The following DERA variants were observed in gnomAD, a reference collection of about 807,000 sequenced individuals.
DERA encodes deoxyribose-phosphate aldolase.
DERA carries 15 observed loss-of-function variants against 41.1 expected under a neutral mutation model. The ratio of observed to expected loss-of-function variants is 0.37; its 90% CI spans 0.24 to 0.56. The LOEUF (loss-of-function observed/expected upper bound fraction) is 0.56. Among genes scored for constraint, DERA ranks in the 20% least tolerant of loss-of-function variants. The probability of loss-of-function intolerance (pLI) is 0.81; values close to 1 mark genes in which losing one functional copy is unlikely to be tolerated. For missense variants in DERA, 396 were observed against 403.4 expected, an observed-to-expected ratio of 0.98 and a Z score of 0.16; for synonymous variants, 139 against 137.4, an observed-to-expected ratio of 1.01 and a Z score of -0.08.
chr12:15,957,018 G>GA lies in DERA; in HGVS notation c.119dup (p.Glu41GlyfsTer22). Reference sequence around the variant, plus strand: ...AACAAATCCAGGCTCGCAGAACCGTGAAAAAGGAGTGGCAGGTAAGGGTTC... The same window carrying GA: ...AACAAATCCAGGCTCGCAGAACCGTGAAAAAAGGAGTGGCAGGTAAGGGTTC... On this transcript the variant is annotated frameshift_variant, in exon 2 of 9. Coordinates refer to ENST00000428559, the MANE Select transcript of DERA (RefSeq NM_015954.4). LOFTEE classifies it high-confidence loss of function. This position sits in a 1 kb window ranked among gnomAD's most constrained non-coding sequence, Gnocchi z 4.8. 2 of 1,613,796 alleles carry GA rather than the reference G, an allele frequency of 1.2e-6. No homozygotes were observed. Among genetic ancestry groups the GA allele is most frequent in the Non-Finnish European group, 8.5e-7 (1 of 1,179,758 alleles).
chr12:16,019,901 A>G lies in DERA; in HGVS notation c.638-12641A>G, dbSNP rs1438767985. 1.3e-5 allele frequency among the ~76,000 whole-genome samples: 2 copies of G among 152,166 alleles called. No homozygotes were observed. The highest frequency in any genetic ancestry group is 2.9e-5 in the Non-Finnish European group (2 of 68,022). On this transcript the variant is annotated intron_variant, in intron 6 of 8. Transcript: ENST00000428559. This position sits in a 1 kb window ranked among gnomAD's most constrained non-coding sequence, Gnocchi z 4.4. ...TGGGAGGGGATTGGATCATGGAGGT[A>G]GATCCTTCATGAATGGCTTTAGCAC...
Position 15,943,071 on chromosome 12 carries a change from C to T in DERA, c.32-13865C>T, listed in dbSNP as rs1948420023. Among the ~76,000 whole-genome samples, 2 of 152,034 alleles carry T rather than the reference C, an allele frequency of 1.3e-5. No homozygotes were observed. Among genetic ancestry groups the T allele is most frequent in the African/African-American group, 4.8e-5 (2 of 41,386 alleles). ...TTGGGGAGAGGGACAGCGATGTCAC[C>T]CCTGACAGTGTGTTCTAATCTGTAA... On this transcript the variant is annotated intron_variant, in intron 1 of 8. Coordinates refer to ENST00000428559, the MANE Select transcript of DERA (RefSeq NM_015954.4). The surrounding 1 kb of genome is among the most constrained non-coding windows in gnomAD (Gnocchi z 4.5).
rs1475795024 is a variant in DERA, at chr12:16,004,540, T to C, written c.637+22104T>C. Among the ~76,000 whole-genome samples the C allele has an allele frequency of 6.6e-6, 1 of 152,156 alleles. No individual in the cohort carries two copies. The highest frequency in any genetic ancestry group is 1.5e-5 in the Non-Finnish European group (1 of 68,034). ...TAAGGAAAAGAGGCATCCCAGTACT[T>C]TCTGACAGAGGAAGAAAGAAAAGGA... On this transcript the variant is annotated intron_variant, in intron 6 of 8. Coordinates refer to ENST00000428559, the MANE Select transcript of DERA (RefSeq NM_015954.4). This position sits in a 1 kb window ranked among gnomAD's most constrained non-coding sequence, Gnocchi z 4.2.
In DERA at chr12:15,932,444, G is replaced by A. The variant is rs146248066; in HGVS notation, c.31+21030G>A. On this transcript the variant is annotated intron_variant, in intron 1 of 8. Transcript: ENST00000428559. Reference sequence around the variant, plus strand: ...GAGGGAAGATCACTTGAGTCCAGGAGTTTGAGACTAGTCTGCACAACATGA... The same window carrying A: ...GAGGGAAGATCACTTGAGTCCAGGAATTTGAGACTAGTCTGCACAACATGA... 1.6e-3 allele frequency among the ~76,000 whole-genome samples: 241 copies of A among 152,202 alleles called. 3 individuals are homozygous for A. Among genetic ancestry groups the A allele is most frequent in the Admixed American group, 0.015 (223 of 15,278 alleles).
Position 15,958,191 on chromosome 12 carries a change from G to C in DERA, c.133G>C (p.Ala45Pro). The C allele has an allele frequency of 1.3e-6, 2 of 1,553,870 alleles. No individual in the cohort carries two copies. Among genetic ancestry groups the C allele is most frequent in the Non-Finnish European group, 1.7e-6 (2 of 1,152,728 alleles). ...TTTTCACTTTTGTTTAAACCAGGCT[G>C]CTTGGCTCCTGAAAGCTGTTACCTT... is the stretch of plus-strand genomic sequence containing the variant. Reference protein sequence around the residue: ...RRTVKKEWQAAWLLKAVTFID... With the variant: ...RRTVKKEWQAPWLLKAVTFID... The change falls in exon 3 of 9, where the codon GCT (alanine) becomes CCT (proline). Residue 45 changes from alanine (A) to proline (P), a missense_variant. Transcript: ENST00000428559.
Position 15,998,590 on chromosome 12 carries a change from T to TA in DERA, c.637+16155dup, listed in dbSNP as rs1249545044. Among the ~76,000 whole-genome samples the TA allele has an allele frequency of 6.6e-6, 1 of 152,176 alleles. No homozygotes were observed. The highest frequency in any genetic ancestry group is 1.5e-5 in the Non-Finnish European group (1 of 68,034). ...CCTCAGCCTCCCAATGTGCTGGAAT[T>TA]ACAGGTGTGAGCCACCACGCCTGGC... On this transcript the variant is annotated intron_variant, in intron 6 of 8. Coordinates refer to ENST00000428559, the MANE Select transcript of DERA (RefSeq NM_015954.4). This position sits in a 1 kb window ranked among gnomAD's most constrained non-coding sequence, Gnocchi z 4.8.
At chr12:16,032,725 A>G (rs1395017551) in intron 7 of DERA, 71 bp downstream of exon 7, 4 of 925,498 alleles carry the variant, frequency 4.3e-6, no homozygotes, top group Non-Finnish European at 3.4e-6. Flanking sequence ...TACAGCCACA[A>G]TAACTGTCTT....
chr12:16,034,043 G>A (rs1361233736), intron 7 of DERA, among the ~76,000 whole-genome samples: 1 of 152,174 alleles, frequency 6.6e-6, no homozygotes, highest in Non-Finnish European at 1.5e-5. Context: ...ATTTGATTGT[G>A]ATTCTCATTC....
At chr12:16,005,432 CAG>C (rs1400830865) in intron 6 of DERA, among the ~76,000 whole-genome samples, 1 of 152,032 alleles carries the variant, frequency 6.6e-6, no homozygotes, top group Admixed American at 6.6e-5. Context: ...GCCTGGGTAA[CAG>C]AGAGAAAAAA....
chr12:15,998,979 T>C lies in DERA; in HGVS notation c.637+16543T>C, dbSNP rs1206703663. On this transcript the variant is annotated intron_variant, in intron 6 of 8. Coordinates refer to ENST00000428559, the MANE Select transcript of DERA (RefSeq NM_015954.4). This position sits in a 1 kb window ranked among gnomAD's most constrained non-coding sequence, Gnocchi z 4.8. ...AGGACATTTGTAATTCTTCTACTGT[T>C]CTGATAGCACTATCAAGATTTCACC... 6.6e-6 allele frequency among the ~76,000 whole-genome samples: 1 copy of C among 152,232 alleles called. No individual in the cohort carries two copies. The highest frequency in any genetic ancestry group is 6.5e-5 in the Admixed American group (1 of 15,284).
intron 1 of DERA, among the ~76,000 whole-genome samples, chr12:15,927,724 T>A (rs1369984326): frequency 1.3e-5 from 2 of 152,240 alleles, no homozygotes. Context: ...ATTCTCAATC[T>A]GAAAATTACT....
chr12:15,972,819 T>C lies in DERA; in HGVS notation c.509-9489T>C, dbSNP rs1948672316. Among the ~76,000 whole-genome samples, 2 of 152,156 alleles carry C rather than the reference T, an allele frequency of 1.3e-5. No individual in the cohort carries two copies. The highest frequency in any genetic ancestry group is 2.4e-5 in the African/African-American group (1 of 41,428). ...AGTGGTGCGGGACTCCACGATCTAG[T>C]GCTGGACTTGGAAGTTAATCTTAAA... On this transcript the variant is annotated intron_variant, in intron 5 of 8. Transcript: ENST00000428559. The surrounding 1 kb of genome is among the most constrained non-coding windows in gnomAD (Gnocchi z 4.4).
chr12:15,997,549 T>C (rs1032597937), intron 6 of DERA, among the ~76,000 whole-genome samples: 10 of 152,192 alleles, frequency 6.6e-5, no homozygotes, highest in Admixed American at 4.6e-4. Context: ...ATCATCAGCT[T>C]ATTCTGCAGT....
chr12:16,022,950 A>G lies in DERA; in HGVS notation c.638-9592A>G, dbSNP rs142882005. 3.3e-3 allele frequency among the ~76,000 whole-genome samples: 506 copies of G among 152,322 alleles called. 2 individuals are homozygous for G. The highest frequency in any genetic ancestry group is 6.8e-3 in the Middle Eastern group (2 of 294). ...AAGGAGAAGATAATCATTGTGCAAT[A>G]TGCCCAGCATATTCCCTATAGTAAA... On this transcript the variant is annotated intron_variant, in intron 6 of 8. Coordinates refer to ENST00000428559, the MANE Select transcript of DERA (RefSeq NM_015954.4).
intron 5 of DERA, among the ~76,000 whole-genome samples, chr12:15,973,636 C>T (rs999152990): frequency 4.6e-5 from 7 of 151,966 alleles, no homozygotes; most frequent in African/African-American, 1.7e-4. Flanking sequence ...AAATCTGGAA[C>T]CTTAAGTATC....
intron 6 of DERA, among the ~76,000 whole-genome samples, chr12:16,016,616 A>G (rs1948983722): frequency 6.6e-6 from 1 of 151,886 alleles, no homozygotes; most frequent in Non-Finnish European, 1.5e-5. Context: ...CCCAGACAAC[A>G]TGGTAAAACC....
chr12:15,929,637 G>A (rs143764962), intron 1 of DERA, among the ~76,000 whole-genome samples: 6 of 152,096 alleles, frequency 3.9e-5, no homozygotes, highest in Non-Finnish European at 4.4e-5. Context: ...ACAGAAAAAG[G>A]CATTACCAGA....
chr12:15,921,680 G>T lies in DERA; in HGVS notation c.31+10266G>T, dbSNP rs891927160. On this transcript the variant is annotated intron_variant, in intron 1 of 8. Coordinates refer to ENST00000428559, the MANE Select transcript of DERA (RefSeq NM_015954.4). The surrounding 1 kb of genome is among the most constrained non-coding windows in gnomAD (Gnocchi z 5.3). ...CTCATGCCTGTAATCCCAGCATTTT[G>T]GGAATCTGAGGTGGGCAGATCATCT... Among the ~76,000 whole-genome samples the T allele has an allele frequency of 6.6e-6, 1 of 152,096 alleles. No individual in the cohort carries two copies. Among genetic ancestry groups the T allele is most frequent in the Non-Finnish European group, 1.5e-5 (1 of 68,022 alleles).
rs940904535 is a variant in DERA, at chr12:15,959,581, A to T, written c.278-248A>T. 4.6e-5 allele frequency among the ~76,000 whole-genome samples: 7 copies of T among 152,238 alleles called. No individual in the cohort carries two copies. Among genetic ancestry groups the T allele is most frequent in the African/African-American group, 1.7e-4 (7 of 41,464 alleles). On this transcript the variant is annotated intron_variant, in intron 3 of 8. Transcript: ENST00000428559. This position sits in a 1 kb window ranked among gnomAD's most constrained non-coding sequence, Gnocchi z 4.5. Reference sequence around the variant, plus strand: ...TTAGACATTTTTAAAAAACAGTACTATGTTAATCTCAAAGATGAGTATATC... The same window carrying T: ...TTAGACATTTTTAAAAAACAGTACTTTGTTAATCTCAAAGATGAGTATATC...
Sources: gnomAD v4.1 joint callset for allele counts (sites outside exome capture counted in the v4.1 genomes callset) on GRCh38, gnomAD v4.1.1 for gene constraint, Gnocchi (gnomAD v3.1) non-coding constraint, MANE v1.5 for transcripts, NCBI Gene and HGNC (gene_info 2026-07-23, HGNC 2026-07-21) for gene names.